Variants in CADM2 observed in about 807,000 individuals in gnomAD.
CADM2 encodes the protein cell adhesion molecule 2.
Under a neutral mutation model 49.8 loss-of-function variants are expected in CADM2, and 12 were observed. That is an observed-to-expected ratio of 0.24 (90% CI 0.15 to 0.39). The LOEUF (loss-of-function observed/expected upper bound fraction) is 0.39, where lower values mean the gene tolerates loss of function less well. Ranked by LOEUF, CADM2 falls within the 10% of genes least tolerant of loss-of-function variation. The probability of loss-of-function intolerance (pLI) is 1.00; values close to 1 mark genes in which losing one functional copy is unlikely to be tolerated. For missense variants in CADM2, 378 were observed against 492.3 expected, an observed-to-expected ratio of 0.77 and a Z score of 2.20; for synonymous variants, 214 against 175.4, an observed-to-expected ratio of 1.22 and a Z score of -1.74.
intron 1 of CADM2, among the ~76,000 whole-genome samples, chr3:85,083,238 A>G (rs1243864526): frequency 6.6e-6 from 1 of 152,154 alleles, no homozygotes; most frequent in African/African-American, 2.4e-5. Context: ...CTTAATCTTG[A>G]TAAGGTCAGA....
intron 1 of CADM2, among the ~76,000 whole-genome samples, chr3:85,347,739 T>C (rs924079291): frequency 1.3e-5 from 2 of 150,892 alleles, no homozygotes; most frequent in Non-Finnish European, 3.0e-5. Flanking sequence ...CCTTCCAGGT[T>C]GAAGTGATTC....
intron 1 of CADM2, among the ~76,000 whole-genome samples, chr3:85,502,668 G>A (rs1426433481): frequency 2.0e-5 from 3 of 152,060 alleles, no homozygotes; most frequent in African/African-American, 7.2e-5. Flanking sequence ...AACTCTGACA[G>A]ATTATGATGA....
chr3:85,509,626 C>T (rs1159051996), intron 1 of CADM2, among the ~76,000 whole-genome samples: 1 of 151,894 alleles, frequency 6.6e-6, no homozygotes, highest in East Asian at 1.9e-4. Flanking sequence ...TGATGGTCTG[C>T]GTGACATTAA....
chr3:85,651,466 T>G (rs2065039833), intron 1 of CADM2, among the ~76,000 whole-genome samples: 1 of 152,114 alleles, frequency 6.6e-6, no homozygotes, highest in Non-Finnish European at 1.5e-5. Flanking sequence ...CATGGTCAGT[T>G]AACAAGAAGG....
At chr3:85,512,044 G>A (rs1217027479) in intron 1 of CADM2, 2 of 186,382 alleles carry the variant, frequency 1.1e-5, no homozygotes, top group African/African-American at 4.8e-5. Context: ...TACATGTACA[G>A]GTTTGTTAGA....
At chr3:86,026,252 T>A (rs1733887902) in intron 8 of CADM2, among the ~76,000 whole-genome samples, 3 of 152,090 alleles carry the variant, frequency 2.0e-5, no homozygotes, top group Admixed American at 1.3e-4. Flanking sequence ...ATTTAAAACA[T>A]GGAAAGATGG....
intron 1 of CADM2, among the ~76,000 whole-genome samples, chr3:85,230,433 A>C (rs962524745): frequency 6.6e-6 from 1 of 152,212 alleles, no homozygotes; most frequent in Admixed American, 6.5e-5. Context: ...TCATTGTTCC[A>C]TTATAGGTAA....
chr3:84,993,689 T>C (rs2033021992), intron 1 of CADM2, among the ~76,000 whole-genome samples: 1 of 152,204 alleles, frequency 6.6e-6, no homozygotes, highest in Non-Finnish European at 1.5e-5. Context: ...AACTGTTGTA[T>C]TTCTTCATAG....
At chr3:84,991,269 G>A (rs550422974) in intron 1 of CADM2, among the ~76,000 whole-genome samples, 5 of 147,550 alleles carry the variant, frequency 3.4e-5, no homozygotes, top group African/African-American at 9.8e-5. Flanking sequence ...GAATTTTCCC[G>A]AGGGAAAATT....
intron 1 of CADM2, among the ~76,000 whole-genome samples, chr3:85,214,471 T>C (rs147578937): frequency 0.035 from 5,397 of 152,126 alleles, 122 homozygotes; most frequent in Middle Eastern, 0.058. Context: ...GCCCATGGAC[T>C]CTGCTATCAG....
At chr3:85,364,775 G>T (rs1205648064) in intron 1 of CADM2, among the ~76,000 whole-genome samples, 1 of 152,060 alleles carries the variant, frequency 6.6e-6, no homozygotes, top group African/African-American at 2.4e-5. Context: ...AAAGCATCCT[G>T]GCAGACAGAT....
At chr3:85,413,938 C>T (rs900975515) in intron 1 of CADM2, among the ~76,000 whole-genome samples, 1 of 152,114 alleles carries the variant, frequency 6.6e-6, no homozygotes, top group Non-Finnish European at 1.5e-5. Context: ...GATCTGGGCC[C>T]ACTGCAACCT....
At chr3:85,918,120 C>G (rs1718615678) in intron 6 of CADM2, among the ~76,000 whole-genome samples, 1 of 152,178 alleles carries the variant, frequency 6.6e-6, no homozygotes, top group Admixed American at 6.5e-5. Context: ...TTGACTTCCT[C>G]TTTTCCTAAT....
At chr3:85,444,654 C>T (rs1314296155) in intron 1 of CADM2, among the ~76,000 whole-genome samples, 2 of 152,108 alleles carry the variant, frequency 1.3e-5, no homozygotes, top group Non-Finnish European at 2.9e-5. Flanking sequence ...TCCTGTCCTA[C>T]TCAATTTTTA....
chr3:86,017,876 TTTA>T (rs1342227884), intron 8 of CADM2, among the ~76,000 whole-genome samples: 69 of 149,994 alleles, frequency 4.6e-4, no homozygotes, highest in African/African-American at 1.6e-3. Flanking sequence ...TTATTTTATT[TTTA>T]TTATTTTTTT....
At chr3:85,048,205 A>G (rs1164927530) in intron 1 of CADM2, among the ~76,000 whole-genome samples, 3 of 152,280 alleles carry the variant, frequency 2.0e-5, no homozygotes, top group East Asian at 3.9e-4. Flanking sequence ...AGATAGTAGG[A>G]GAGTGATTTG....
chr3:85,079,438 G>A (rs1424899458), intron 1 of CADM2, among the ~76,000 whole-genome samples: 1 of 151,610 alleles, frequency 6.6e-6, no homozygotes, highest in Non-Finnish European at 1.5e-5. Flanking sequence ...AATTGTAGAA[G>A]GATTACCTAA....
chr3:85,527,755 G>A (rs538256075), intron 1 of CADM2, among the ~76,000 whole-genome samples: 1 of 152,172 alleles, frequency 6.6e-6, no homozygotes, highest in South Asian at 2.1e-4. Context: ...CAGAAGCCTG[G>A]CAAATGCCAT....
rs944420842 is a variant in CADM2, at chr3:85,724,911, T to C, written c.62-1611T>C. Among the ~76,000 whole-genome samples the C allele has an allele frequency of 5.3e-5, 8 of 152,062 alleles. No individual in the cohort carries two copies. The South Asian group carries it at 1.4e-3, about 28-fold the overall frequency. On this transcript the variant is annotated intron_variant, in intron 1 of 9. Coordinates refer to ENST00000383699, the MANE Select transcript of CADM2 (RefSeq NM_001167675.2). ...AAATTGAATTTTAAAACTTAAGTTT[T>C]GATATTAAATATTTTAGTGGGCTTT... is the stretch of plus-strand genomic sequence containing the variant.
Sources: allele counts gnomAD v4.1 joint callset (sites outside exome capture counted in the v4.1 genomes callset), GRCh38; gene constraint gnomAD v4.1.1; transcripts MANE v1.5; gene names NCBI Gene and HGNC (gene_info 2026-07-23, HGNC 2026-07-21).